Variants in SLC39A10 observed in about 807,000 individuals in gnomAD.
SLC39A10 encodes solute carrier family 39 member 10.
A neutral mutation model predicts 65.1 loss-of-function variants in SLC39A10; 13 were observed. The ratio of observed to expected loss-of-function variants is 0.20; its 90% CI spans 0.13 to 0.32. SLC39A10 has a LOEUF of 0.32. Among genes scored for constraint, SLC39A10 ranks in the 10% least tolerant of loss-of-function variants. The pLI, the probability that SLC39A10 is intolerant of heterozygous loss-of-function variation, is 1.00. For missense variants in SLC39A10, 831 were observed against 1,018.4 expected (o/e 0.82, Z 2.50); for synonymous variants, 321 against 342.2 (o/e 0.94, Z 0.68).
At chr2:195,682,209 A>C (rs1207991717) in intron 2 of SLC39A10, among the ~76,000 whole-genome samples, 1 of 152,182 alleles carries the variant, frequency 6.6e-6, no homozygotes, top group Non-Finnish European at 1.5e-5. Context: ...ATTAAAGTTT[A>C]GAAAAACTTG....
intron 1 of SLC39A10, among the ~76,000 whole-genome samples, chr2:195,671,279 A>G (rs952897352): frequency 6.6e-6 from 1 of 152,254 alleles, no homozygotes; most frequent in Admixed American, 6.5e-5. Flanking sequence ...TGCAGAAATT[A>G]TACAGTGATA....
At chr2:195,695,425 G>C (rs1690912330) in intron 3 of SLC39A10, among the ~76,000 whole-genome samples, 1 of 152,156 alleles carries the variant, frequency 6.6e-6, no homozygotes, top group Admixed American at 6.5e-5. Flanking sequence ...CACACAACCT[G>C]CAGTCCTGAA....
intron 2 of SLC39A10, among the ~76,000 whole-genome samples, chr2:195,615,391 G>A (rs1403821751): frequency 6.6e-6 from 1 of 152,154 alleles, no homozygotes; most frequent in Non-Finnish European, 1.5e-5. Context: ...TCTAACTCCT[G>A]TCTTCAGGCA....
intron 1 of SLC39A10, among the ~76,000 whole-genome samples, chr2:195,673,838 C>T (rs1050693579): frequency 7.9e-5 from 12 of 152,188 alleles, no homozygotes; most frequent in African/African-American, 2.9e-4. Context: ...GCACCTGAAT[C>T]CCATTATCTT....
At chr2:195,687,516 T>C (rs1453231888) in intron 3 of SLC39A10, among the ~76,000 whole-genome samples, 1 of 152,214 alleles carries the variant, frequency 6.6e-6, no homozygotes, top group Non-Finnish European at 1.5e-5. Context: ...TAGAGGAAAT[T>C]GTACTTGCTT....
At chr2:195,658,789 C>G (rs950832127) in intron 1 of SLC39A10, among the ~76,000 whole-genome samples, 2 of 146,828 alleles carry the variant, frequency 1.4e-5, no homozygotes, top group Non-Finnish European at 3.1e-5. Context: ...ACTGGTTACT[C>G]CAGTGGCTCC....
At position 195,647,211 on chromosome 2, in the gene SLC39A10, T is replaced by A. The variant is rs575198700; in HGVS notation, c.-11-32821T>A. 2.0e-5 allele frequency among the ~76,000 whole-genome samples: 3 copies of A among 152,294 alleles called. No homozygotes were observed. The South Asian group carries it at 6.2e-4, about 32-fold the overall frequency. On this transcript the variant is annotated intron_variant, in intron 2 of 2. Coordinates refer to the SLC39A10 transcript ENST00000458054. ...TGTTCATAGGATCCAGGGATTAGCA[T>A]GTGGATGTCTTTATGGGGGAGGCAT... is the stretch of plus-strand genomic sequence containing the variant.
intron 3 of SLC39A10, among the ~76,000 whole-genome samples, chr2:195,704,343 G>A (rs1003076576): frequency 2.0e-5 from 3 of 152,124 alleles, no homozygotes; most frequent in Admixed American, 2.0e-4. Context: ...ATATATTACT[G>A]TGTAAGATAC....
At chr2:195,692,026 A>G (rs189258949) in intron 3 of SLC39A10, among the ~76,000 whole-genome samples, 249 of 152,278 alleles carry the variant, frequency 1.6e-3, no homozygotes, top group African/African-American at 5.7e-3. Flanking sequence ...TGATTTTTTT[A>G]TAAGGTGAGA....
At chr2:195,661,795 A>G (rs1689408730) in intron 1 of SLC39A10, among the ~76,000 whole-genome samples, 1 of 152,208 alleles carries the variant, frequency 6.6e-6, no homozygotes, top group Non-Finnish European at 1.5e-5. Context: ...GCAGGCTTGT[A>G]CAAGTATAAG....
At chr2:195,620,257 G>A (rs1688323131) in intron 2 of SLC39A10, among the ~76,000 whole-genome samples, 1 of 152,084 alleles carries the variant, frequency 6.6e-6, no homozygotes, top group East Asian at 1.9e-4. Flanking sequence ...GAATGCTGGA[G>A]AACATTCAAA....
intron 5 of SLC39A10, among the ~76,000 whole-genome samples, chr2:195,712,349 G>A (rs1691629953): frequency 6.6e-6 from 1 of 152,228 alleles, no homozygotes; most frequent in African/African-American, 2.4e-5. Flanking sequence ...AGGGCAGGGG[G>A]GTAGATTCCA....
intron 2 of SLC39A10, among the ~76,000 whole-genome samples, chr2:195,640,777 A>G (rs1688797542): frequency 1.3e-5 from 2 of 152,224 alleles, no homozygotes; most frequent in Admixed American, 1.3e-4. Flanking sequence ...TTGTTCTCTG[A>G]TCATTTCCTC....
chr2:195,702,259 C>T (rs1216850600), intron 3 of SLC39A10, among the ~76,000 whole-genome samples: 2 of 152,124 alleles, frequency 1.3e-5, no homozygotes, highest in South Asian at 2.1e-4. Context: ...GATCAGAGTA[C>T]AGATCCTCAA....
chr2:195,669,912 C>A (rs1689786564), intron 1 of SLC39A10, among the ~76,000 whole-genome samples: 1 of 152,120 alleles, frequency 6.6e-6, no homozygotes, highest in Admixed American at 6.6e-5. Context: ...TGTAATCCCA[C>A]CACTTTGGGA....
intron 3 of SLC39A10, among the ~76,000 whole-genome samples, chr2:195,697,019 A>G (rs1690991379): frequency 6.6e-6 from 1 of 152,170 alleles, no homozygotes; most frequent in South Asian, 2.1e-4. Flanking sequence ...GTGAATCATG[A>G]TAAAGGTCTT....
chr2:195,706,874 T>A, intron 4 of SLC39A10, 89 bp downstream of exon 4: 2 of 884,756 alleles, frequency 2.3e-6, no homozygotes, highest in Middle Eastern at 7.6e-4. Flanking sequence ...AGCACAGTAA[T>A]CTAGTATTTG....
At chr2:195,649,381 T>G (rs1285420490) in intron 2 of SLC39A10, among the ~76,000 whole-genome samples, 4 of 152,222 alleles carry the variant, frequency 2.6e-5, no homozygotes, top group African/African-American at 9.6e-5. Context: ...CATCAAATAT[T>G]TTTTAAGAAA....
chr2:195,682,392 T>C (rs1259909033), intron 2 of SLC39A10, among the ~76,000 whole-genome samples: 1 of 152,184 alleles, frequency 6.6e-6, no homozygotes, highest in African/African-American at 2.4e-5. Flanking sequence ...AACACTGATT[T>C]TAAAATAACA....
Sources: gnomAD v4.1 joint callset for allele counts (sites outside exome capture counted in the v4.1 genomes callset) on GRCh38, gnomAD v4.1.1 for gene constraint, MANE v1.5 for transcripts, NCBI Gene and HGNC (gene_info 2026-07-23, HGNC 2026-07-21) for gene names.